ACSS2: variants seen among roughly 807,000 people sequenced by gnomAD.
ACSS2 encodes acetyl-coenzyme A synthetase, cytoplasmic.
Under a neutral mutation model 90.6 loss-of-function variants are expected in ACSS2, and 58 were observed. The ratio of observed to expected loss-of-function variants is 0.64; its 90% confidence interval spans 0.52 to 0.80. The LOEUF (loss-of-function observed/expected upper bound fraction) is 0.80. ACSS2 is among the 30% of genes least tolerant of loss of function. The pLI is 0.00. For missense variants in ACSS2, 759 were observed against 912.0 expected, an observed-to-expected ratio of 0.83 and a Z score of 2.16; for synonymous variants, 300 against 330.9, an observed-to-expected ratio of 0.91 and a Z score of 1.01.
chr20:34,890,377 A>G (rs952456719), intron 2 of ACSS2, among the ~76,000 whole-genome samples: 3 of 152,086 alleles, frequency 2.0e-5, no homozygotes, highest in Non-Finnish European at 4.4e-5. Flanking sequence ...GCATGTGTAT[A>G]TGTATGGGAA....
intron 2 of ACSS2, among the ~76,000 whole-genome samples, chr20:34,911,997 T>C (rs1003406369): frequency 6.6e-6 from 1 of 151,982 alleles, no homozygotes; most frequent in African/African-American, 2.4e-5. Flanking sequence ...TTTGTATTTT[T>C]AGTAGAGGCA....
chr20:34,880,272 G>C (rs1240647321), intron 1 of ACSS2, among the ~76,000 whole-genome samples: 1 of 152,130 alleles, frequency 6.6e-6, no homozygotes, highest in Non-Finnish European at 1.5e-5. Flanking sequence ...GGCTGGGCGT[G>C]GTGGCCCACA....
chr20:34,898,984 G>A (rs984334391), intron 2 of ACSS2, among the ~76,000 whole-genome samples: 4 of 152,236 alleles, frequency 2.6e-5, no homozygotes, highest in Admixed American at 6.5e-5. Context: ...GAAATGGAGC[G>A]CAGTGCTGGT....
At chr20:34,924,930 T>C (rs1239008457) in intron 14 of ACSS2, among the ~76,000 whole-genome samples, 2 of 152,054 alleles carry the variant, frequency 1.3e-5, no homozygotes, top group Non-Finnish European at 2.9e-5. Flanking sequence ...GAACTCCTGA[T>C]CCACCCACCT....
rs138877827 is a variant in ACSS2 at position 34,896,770 on chromosome 20, G to A, written c.374+13781G>A. The stretch of plus-strand genomic sequence containing the variant: ...GTCTTTAGAAATAAACAGGCTGGGC[G>A]TGGTGGCTCACGCCTGCAATCCTAG... On this transcript the variant is annotated intron_variant, in intron 2 of 17. Transcript: ENST00000360596. 3.8e-3 allele frequency among the ~76,000 whole-genome samples: 576 copies of A among 152,332 alleles called. 2 individuals carry two copies. Among genetic ancestry groups the A allele is most frequent in the African/African-American group, 0.013 (548 of 41,570 alleles).
intron 2 of ACSS2, among the ~76,000 whole-genome samples, chr20:34,910,961 T>C (rs2080940026): frequency 6.6e-6 from 1 of 152,146 alleles, no homozygotes; most frequent in South Asian, 2.1e-4. Context: ...TAGCTGAGAC[T>C]ACAGGTGTGC....
At chr20:34,919,641 A>C in intron 8 of ACSS2, 69 bp downstream of exon 8, 1 of 1,509,520 alleles carries the variant, frequency 6.6e-7, no homozygotes. Flanking sequence ...GGTAAGAAGT[A>C]AGTTTCTGAG....
At chr20:34,925,852 T>C in intron 15 of ACSS2, 86 bp downstream of exon 15, 1 of 1,477,466 alleles carries the variant, frequency 6.8e-7, no homozygotes, top group Non-Finnish European at 9.2e-7. Flanking sequence ...AGCCCAGGAG[T>C]GTCCTTTGGC....
chr20:34,920,516 C>T (rs915948601), intron 8 of ACSS2, 23 bp from the exon 9 acceptor site: 5 of 1,611,234 alleles, frequency 3.1e-6, no homozygotes, highest in Non-Finnish European at 3.4e-6. Context: ...AAGACCCTAA[C>T]CTGTTCCCCA....
chr20:34,877,943 G>GA (rs2079968719), intron 1 of ACSS2, among the ~76,000 whole-genome samples: 6 of 150,602 alleles, frequency 4.0e-5, no homozygotes, highest in South Asian at 2.1e-4. Context: ...TAGATAGATA[G>GA]TTTGTTTTGA....
chr20:34,887,450 A>G (rs185968620), intron 2 of ACSS2, among the ~76,000 whole-genome samples: 65 of 152,372 alleles, frequency 4.3e-4, no homozygotes, highest in South Asian at 2.9e-3. Context: ...GGAAAGACCA[A>G]ATAGATTGGC....
intron 2 of ACSS2, among the ~76,000 whole-genome samples, chr20:34,911,549 C>T (rs757769261): frequency 6.6e-6 from 1 of 152,130 alleles, no homozygotes; most frequent in Non-Finnish European, 1.5e-5. Flanking sequence ...GTCTTGAACT[C>T]TTGGCCTCAA....
At chr20:34,881,510 A>G (rs2080071846) in intron 1 of ACSS2, among the ~76,000 whole-genome samples, 1 of 152,174 alleles carries the variant, frequency 6.6e-6, no homozygotes, top group Admixed American at 6.5e-5. Context: ...TGGGATATAT[A>G]CCAAATTCCT....
In ACSS2 at chr20:34,891,840, C is replaced by T. The variant is rs765555635; in HGVS notation, c.374+8851C>T. Among the ~76,000 whole-genome samples the T allele has an allele frequency of 1.2e-4, 19 of 152,206 alleles. 1 individual carries two copies. Among genetic ancestry groups the T allele is most frequent in the South Asian group, 1.2e-3 (6 of 4,824 alleles). On this transcript the variant is annotated intron_variant, in intron 2 of 17. Transcript: ENST00000360596. ...AATGAGACAAGTAGGCTGTACTTTC[C>T]GAGTCACTTTTTTTGGAAGTAGGTG...
At position 34,914,464 on chromosome 20, in the gene ACSS2, T is replaced by A. The variant is rs764797065; in HGVS notation, c.834+27T>A. ...TGAGTCTGGCACTGCTATGCCTTTC[T>A]CCAGGCTCAAATTCCTTCACTTTTC... On this transcript the variant is annotated intron_variant, in intron 7 of 17. Transcript: ENST00000360596. 1.9e-6 allele frequency: 3 copies of A among 1,562,764 alleles called. No homozygotes were observed. The African/African-American group carries it at 4.1e-5, about 21-fold the overall frequency.
At position 34,913,747 on chromosome 20, in the gene ACSS2, C is replaced by T. The variant is rs1252217553; in HGVS notation, c.571-6C>T. On this transcript the variant is annotated splice_region_variant and splice_polypyrimidine_tract_variant and intron_variant, in intron 4 of 17. Transcript: ENST00000360596. ...TCTCTCCCTCAGACTTTCTTCCCTT[C>T]CCTAGTTTGCAGGCTTCTCTTCAGA... 1 of 1,613,742 alleles carries T rather than the reference C, an allele frequency of 6.2e-7. No homozygotes were observed. Among genetic ancestry groups the T allele is most frequent in the Non-Finnish European group, 8.5e-7 (1 of 1,179,780 alleles).
At chr20:34,877,770 G>A (rs1016768569) in intron 1 of ACSS2, among the ~76,000 whole-genome samples, 13 of 130,632 alleles carry the variant, frequency 1.0e-4, no homozygotes, top group African/African-American at 3.9e-4. Flanking sequence ...AGTGAGCCAC[G>A]ATAGCACCAC....
At chr20:34,924,548 C>A (rs1202737591) in intron 14 of ACSS2, among the ~76,000 whole-genome samples, 1 of 152,106 alleles carries the variant, frequency 6.6e-6, no homozygotes, top group African/African-American at 2.4e-5. Context: ...TGGACTGAAG[C>A]CTGTGTGGCT....
Position 34,914,112 on chromosome 20 carries a change from G to A in ACSS2, c.660G>A (p.Gly220=). The A allele has an allele frequency of 6.2e-7, 1 of 1,614,158 alleles. No homozygotes were observed. Among genetic ancestry groups the A allele is most frequent in the Non-Finnish European group, 8.5e-7 (1 of 1,180,012 alleles). ...TCCCCAAAGATGCCTTCTACAGGGG[G>A]GAAAAGCTTGTGAACCTGAAGGAGC... ...LLITTDAFYR[G]EKLVNLKELA... Residue 220 remains glycine (G), a synonymous_variant, in exon 6 of 18, where the codon GGG becomes GGA. Transcript: ENST00000360596.
Sources: allele counts gnomAD v4.1 joint callset (sites outside exome capture counted in the v4.1 genomes callset), GRCh38; gene constraint gnomAD v4.1.1; transcripts MANE v1.5; gene names NCBI Gene and HGNC (gene_info 2026-07-23, HGNC 2026-07-21).